FAR2: variants seen among roughly 807,000 people sequenced by gnomAD.
FAR2 encodes fatty acyl-CoA reductase 2.
FAR2 carries 19 observed loss-of-function variants against 56.0 expected under a neutral mutation model. That is an observed-to-expected ratio of 0.34 (90% CI 0.24 to 0.50). The LOEUF is 0.50. Ranked by LOEUF, FAR2 falls within the 20% of genes least tolerant of loss-of-function variation. The pLI, the probability that FAR2 is intolerant of heterozygous loss-of-function variation, is 0.98. For synonymous variants in FAR2, 219 were observed against 218.8 expected (o/e 1.00, Z -0.01); for missense variants, 508 against 642.2 (o/e 0.79, Z 2.26).
chr12:29,273,040 G>C (rs140841720), intron 2 of FAR2, among the ~76,000 whole-genome samples: 1 of 152,112 alleles, frequency 6.6e-6, no homozygotes, highest in African/African-American at 2.4e-5. Flanking sequence ...CTCTGACCTC[G>C]AGGGGCACCA....
rs1357756917 is a variant in FAR2 at position 29,222,720 on chromosome 12, G to A, written c.-38-47692G>A. On this transcript the variant is annotated intron_variant, in intron 1 of 11. Transcript: ENST00000536681. ...GTCAATGTCAAGGCTTAGTTCAGAAGAGGAGCCTGACTAAAGTTGGGTCAA... is the reference window on the plus strand; with the variant it reads ...GTCAATGTCAAGGCTTAGTTCAGAAAAGGAGCCTGACTAAAGTTGGGTCAA... Among the ~76,000 whole-genome samples the A allele has an allele frequency of 2.6e-5, 4 of 152,300 alleles. No individual in the cohort carries two copies. In the East Asian group the frequency reaches 7.7e-4, roughly 29 times the overall value.
At position 29,311,934 on chromosome 12, in the gene FAR2, C is replaced by T; in HGVS notation, c.939C>T (p.Cys313=). 1.2e-6 allele frequency: 2 copies of T among 1,610,398 alleles called. No individual in the cohort carries two copies. Among genetic ancestry groups the T allele is most frequent in the Non-Finnish European group, 1.7e-6 (2 of 1,177,810 alleles). The change falls in exon 8 of 12, where the codon TGC becomes TGT. Residue 313 remains cysteine (C), a synonymous_variant. Transcript: ENST00000536681. ...TTACATCTGGTAACATGAATCCCTGCAATTGGCACAAAATGGGTAAGTACT... is the reference window on the plus strand; with the variant it reads ...TTACATCTGGTAACATGAATCCCTGTAATTGGCACAAAATGGGTAAGTACT... ...YHITSGNMNP[C]NWHKMGVQVL...
intron 1 of FAR2, among the ~76,000 whole-genome samples, chr12:29,189,825 G>A (rs1950085513): frequency 6.6e-6 from 1 of 152,204 alleles, no homozygotes; most frequent in African/African-American, 2.4e-5. Flanking sequence ...TGGAGGCAGT[G>A]AGACCAGTTT....
At chr12:29,218,085 G>A (rs565016163) in intron 1 of FAR2, among the ~76,000 whole-genome samples, 9 of 151,952 alleles carry the variant, frequency 5.9e-5, no homozygotes, top group Non-Finnish European at 1.0e-4. Context: ...GGCCGGGTGT[G>A]GTGGCTCACG....
At chr12:29,173,684 G>A (rs976049903) in intron 1 of FAR2, among the ~76,000 whole-genome samples, 7 of 152,120 alleles carry the variant, frequency 4.6e-5, no homozygotes, top group Non-Finnish European at 1.5e-5. Context: ...TCAAGGGTAA[G>A]CCGGTTGATA....
chr12:29,202,133 A>ATAT (rs142026957), intron 1 of FAR2, among the ~76,000 whole-genome samples: 111,846 of 146,520 alleles, frequency 0.76, 43,319 homozygotes, highest in East Asian at 0.91. Context: ...TTGCTAATTT[A>ATAT]TTATTATTAT....
chr12:29,303,349 TGAG>T (rs1346144077), intron 4 of FAR2, among the ~76,000 whole-genome samples: 5 of 152,212 alleles, frequency 3.3e-5, no homozygotes, highest in African/African-American at 9.6e-5. Flanking sequence ...TCATTTGAAA[TGAG>T]GATCATTTAT....
At chr12:29,265,223 A>C (rs911785530) in intron 1 of FAR2, among the ~76,000 whole-genome samples, 32 of 152,340 alleles carry the variant, frequency 2.1e-4, no homozygotes, top group African/African-American at 7.5e-4. Flanking sequence ...TGCCAAAGCT[A>C]TCCTGGGCAA....
intron 1 of FAR2, among the ~76,000 whole-genome samples, chr12:29,180,331 G>T (rs927122710): frequency 2.0e-5 from 3 of 152,140 alleles, no homozygotes; most frequent in African/African-American, 4.8e-5. Flanking sequence ...ATTATCTTGA[G>T]AAGCCCAGTA....
At chr12:29,279,928 A>ATT (rs4033039) in intron 2 of FAR2, among the ~76,000 whole-genome samples, 46,405 of 146,306 alleles carry the variant, frequency 0.32, 7,408 homozygotes, top group South Asian at 0.37. Context: ...GTGCAATATA[A>ATT]TTTTTTTTTT....
intron 1 of FAR2, among the ~76,000 whole-genome samples, chr12:29,153,226 G>T (rs921332008): frequency 6.6e-6 from 1 of 152,160 alleles, no homozygotes; most frequent in African/African-American, 2.4e-5. Flanking sequence ...ACAGAATGCT[G>T]TAAGAAAAAA....
At chr12:29,240,394 C>A (rs900400610) in intron 1 of FAR2, among the ~76,000 whole-genome samples, 1 of 152,174 alleles carries the variant, frequency 6.6e-6, no homozygotes, top group Admixed American at 6.6e-5. Context: ...GTCAGGACTC[C>A]TCCTTCCATA....
chr12:29,202,944 A>C (rs994462947), intron 1 of FAR2, among the ~76,000 whole-genome samples: 2 of 152,226 alleles, frequency 1.3e-5, no homozygotes, highest in African/African-American at 4.8e-5. Context: ...CATTCCAGTG[A>C]AACAATGATC....
intron 10 of FAR2, among the ~76,000 whole-genome samples, chr12:29,323,528 A>G (rs1229912054): frequency 2.6e-5 from 4 of 152,188 alleles, no homozygotes; most frequent in African/African-American, 9.6e-5. Context: ...TCACACGGCC[A>G]GGTACTCCTC....
chr12:29,324,463 G>T (rs1949609375), intron 10 of FAR2, among the ~76,000 whole-genome samples: 1 of 152,156 alleles, frequency 6.6e-6, no homozygotes, highest in Non-Finnish European at 1.5e-5. Context: ...CACCAAAGTT[G>T]AAATGAAGGA....
At chr12:29,324,572 A>G (rs138342377) in intron 10 of FAR2, among the ~76,000 whole-genome samples, 9,621 of 152,320 alleles carry the variant, frequency 0.063, 395 homozygotes, top group South Asian at 0.12. Flanking sequence ...TCTACAAGCC[A>G]GAAGAGAGTG....
At chr12:29,226,116 C>T (rs73077530) in intron 1 of FAR2, among the ~76,000 whole-genome samples, 2,460 of 152,286 alleles carry the variant, frequency 0.016, 57 homozygotes, top group African/African-American at 0.048. Context: ...AAAATAATTG[C>T]ATGATGTGTG....
intron 2 of FAR2, among the ~76,000 whole-genome samples, chr12:29,275,603 T>C (rs1383058485): frequency 6.6e-6 from 1 of 152,162 alleles, no homozygotes; most frequent in African/African-American, 2.4e-5. Flanking sequence ...TTATGTTTGT[T>C]TTTCGATGGG....
intron 10 of FAR2, among the ~76,000 whole-genome samples, chr12:29,323,509 A>T (rs891706614): frequency 6.6e-6 from 1 of 152,194 alleles, no homozygotes; most frequent in Non-Finnish European, 1.5e-5. Context: ...GTAGGGGCGG[A>T]CTGACACATC....
Sources: allele counts gnomAD v4.1 joint callset (sites outside exome capture counted in the v4.1 genomes callset), GRCh38; gene constraint gnomAD v4.1.1; transcripts MANE v1.5; gene names NCBI Gene and HGNC (gene_info 2026-07-23, HGNC 2026-07-21).